The following HS3ST3B1 variants were observed in gnomAD, a reference collection of about 807,000 sequenced individuals.
HS3ST3B1 encodes the protein heparan sulfate glucosamine 3-O-sulfotransferase 3B1.
A neutral mutation model predicts 21.3 loss-of-function variants in HS3ST3B1; 13 were observed. That is an observed-to-expected ratio of 0.61 (90% CI 0.40 to 0.97). HS3ST3B1 has a LOEUF of 0.97. HS3ST3B1 is among the 50% of genes least tolerant of loss of function. The probability of loss-of-function intolerance (pLI) is 0.00; values close to 1 mark genes in which losing one functional copy is unlikely to be tolerated. For synonymous variants in HS3ST3B1, 234 were observed against 254.8 expected (o/e 0.92, Z 0.78); for missense variants, 459 against 554.8 (o/e 0.83, Z 1.73).
intron 1 of HS3ST3B1, among the ~76,000 whole-genome samples, chr17:14,337,810 A>T (rs889748178): frequency 6.6e-6 from 1 of 151,684 alleles, no homozygotes; most frequent in African/African-American, 2.4e-5. Context: ...AGTTCTGCTG[A>T]CAATGTTGTC....
chr17:14,308,835 A>C (rs1040925457), intron 1 of HS3ST3B1, among the ~76,000 whole-genome samples: 10 of 152,210 alleles, frequency 6.6e-5, no homozygotes, highest in African/African-American at 2.4e-4. Flanking sequence ...TAGGATTCAG[A>C]ATCCCTGTTT....
At position 14,301,684 on chromosome 17, in the gene HS3ST3B1, G is replaced by A. The variant is rs760686663; in HGVS notation, c.166G>A (p.Ala56Thr). 6.9e-6 allele frequency: 11 copies of A among 1,600,894 alleles called. No individual in the cohort carries two copies. In the African/African-American group the frequency reaches 8.2e-5, roughly 12 times the overall value. ...MFLYSCAGSCAAAPGLLLLGS... is the reference protein window; with the variant it reads ...MFLYSCAGSCTAAPGLLLLGS... Reference sequence around the variant, plus strand: ...CCTGTACTCGTGCGCCGGCTCCTGCGCCGCCGCGCCGGGGCTGCTGCTCCT... The same window carrying A: ...CCTGTACTCGTGCGCCGGCTCCTGCACCGCCGCGCCGGGGCTGCTGCTCCT... The change falls in exon 1 of 2, where the codon GCC becomes ACC. Residue 56 changes from alanine to threonine, a missense_variant. This residue lies in a region of HS3ST3B1 where 317 missense variants were observed against 278.6 expected (regional missense o/e 1.14). Coordinates refer to ENST00000360954, the MANE Select transcript of HS3ST3B1 (RefSeq NM_006041.3).
At chr17:14,338,619 T>G (rs1910270568) in intron 1 of HS3ST3B1, among the ~76,000 whole-genome samples, 1 of 151,476 alleles carries the variant, frequency 6.6e-6, no homozygotes, top group African/African-American at 2.4e-5. Flanking sequence ...ATTTTTGTAT[T>G]TTTAGTAGAG....
At chr17:14,309,911 G>A (rs1455689158) in intron 1 of HS3ST3B1, among the ~76,000 whole-genome samples, 1 of 152,154 alleles carries the variant, frequency 6.6e-6, no homozygotes, top group Non-Finnish European at 1.5e-5. Flanking sequence ...TGGGAAGCGG[G>A]AGGGGTTGCT....
chr17:14,302,094 A>G (rs891875209), intron 1 of HS3ST3B1, 22 bp downstream of exon 1: 2 of 1,577,802 alleles, frequency 1.3e-6, no homozygotes, highest in Non-Finnish European at 1.7e-6. Context: ...TGCCAGGGGC[A>G]GGGTCTCCAT....
In HS3ST3B1 at chr17:14,347,425, G is replaced by A. The variant is rs963498623; in HGVS notation, c.*1779G>A. 2.0e-5 allele frequency: 3 copies of A among 152,182 alleles called. No homozygotes were observed. Among genetic ancestry groups the A allele is most frequent in the Non-Finnish European group, 4.4e-5 (3 of 68,036 alleles). 9.4% of individuals were successfully genotyped at this position (152,182 alleles called of 1,614,324 possible). A position where few individuals can be genotyped will look rare whatever the true frequency, so the allele number is the denominator to read the frequency against. ...AATTTAACCTCAGTTTTTTAAACCA[G>A]AATGCTTCTACCATAAAAGAATTGT... On this transcript the variant is annotated 3_prime_UTR_variant, in exon 2 of 2. Transcript: ENST00000360954.
At chr17:14,310,886 A>G (rs1157936931) in intron 1 of HS3ST3B1, among the ~76,000 whole-genome samples, 1 of 152,170 alleles carries the variant, frequency 6.6e-6, no homozygotes, top group Non-Finnish European at 1.5e-5. Context: ...CCCACCGAAG[A>G]TCCCCAAGTG....
intron 1 of HS3ST3B1, among the ~76,000 whole-genome samples, chr17:14,331,992 G>A (rs1368175155): frequency 6.6e-6 from 1 of 152,124 alleles, no homozygotes; most frequent in Admixed American, 6.5e-5. Context: ...GAAACTTCCC[G>A]GAGTTACAAC....
chr17:14,343,829 C>A (rs1340325925), intron 1 of HS3ST3B1, among the ~76,000 whole-genome samples: 1 of 151,708 alleles, frequency 6.6e-6, no homozygotes, highest in Non-Finnish European at 1.5e-5. Flanking sequence ...TTTGACATAC[C>A]AATTTCAATT....
At chr17:14,312,017 G>C (rs1299114553) in intron 1 of HS3ST3B1, among the ~76,000 whole-genome samples, 2 of 152,102 alleles carry the variant, frequency 1.3e-5, no homozygotes, top group Non-Finnish European at 2.9e-5. Context: ...TTTAAAATGT[G>C]ATTTTTGCAT....
intron 1 of HS3ST3B1, among the ~76,000 whole-genome samples, chr17:14,343,002 G>T (rs1910434068): frequency 6.6e-6 from 1 of 152,186 alleles, no homozygotes; most frequent in African/African-American, 2.4e-5. Context: ...CCAGCACTTT[G>T]GGAGGCCAAG....
chr17:14,304,543 C>G (rs1471777690), intron 1 of HS3ST3B1: 1 of 152,168 alleles, frequency 6.6e-6, no homozygotes, highest in Non-Finnish European at 1.5e-5. Context: ...TTTAAACAGA[C>G]CACGCCAGGA....
chr17:14,303,216 ACATT>A lies in HS3ST3B1; in HGVS notation c.554+1147_554+1150del, dbSNP rs781118205. On this transcript the variant is annotated intron_variant, in intron 1 of 1. Transcript: ENST00000360954. This position sits in a 1 kb window ranked among gnomAD's most constrained non-coding sequence, Gnocchi z 5.7. ...TCCACCCGTAACCCCAGCCAGCACG[ACATT>A]CAGACACCCCTCCAGGCCCAATTAG... 3.0e-4 allele frequency among the ~76,000 whole-genome samples: 45 copies of A among 152,236 alleles called. No homozygotes were observed. The highest frequency in any genetic ancestry group is 4.9e-4 in the Non-Finnish European group (33 of 68,010).
At position 14,301,999 on chromosome 17, in the gene HS3ST3B1, C is replaced by T; in HGVS notation, c.481C>T (p.Pro161Ser). 1.2e-6 allele frequency: 2 copies of T among 1,609,600 alleles called. No homozygotes were observed. Among genetic ancestry groups the T allele is most frequent in the Non-Finnish European group, 1.7e-6 (2 of 1,179,116 alleles). The change falls in exon 1 of 2, where the codon CCC (proline) becomes TCC (serine). Residue 161 changes from proline to serine, a missense_variant. By Grantham distance (74) the Pro-to-Ser change is moderately conservative. Coordinates refer to ENST00000360954, the MANE Select transcript of HS3ST3B1 (RefSeq NM_006041.3). ...RALLEFLRVH[P>S]DVRAVGAEPH... Reference sequence around the variant, plus strand: ...GCTGCTGGAGTTTCTGCGCGTGCACCCCGACGTGCGCGCCGTGGGCGCCGA... The same window carrying T: ...GCTGCTGGAGTTTCTGCGCGTGCACTCCGACGTGCGCGCCGTGGGCGCCGA...
intron 1 of HS3ST3B1, among the ~76,000 whole-genome samples, chr17:14,317,489 G>T (rs1486650796): frequency 6.6e-6 from 1 of 152,208 alleles, no homozygotes; most frequent in East Asian, 1.9e-4. Context: ...AGTAAGAAAT[G>T]CTGTAGGAGC....
At chr17:14,320,913 T>G (rs977468683) in intron 1 of HS3ST3B1, among the ~76,000 whole-genome samples, 1 of 152,198 alleles carries the variant, frequency 6.6e-6, no homozygotes, top group African/African-American at 2.4e-5. Flanking sequence ...CACACACCTG[T>G]TCCGAGTGTG....
chr17:14,302,201 C>T (rs1908959185), intron 1 of HS3ST3B1, 129 bp downstream of exon 1: 2 of 1,111,138 alleles, frequency 1.8e-6, no homozygotes, highest in Non-Finnish European at 2.5e-6. Flanking sequence ...AGGGAAACTA[C>T]GGCAGATTGC....
chr17:14,306,555 C>A (rs1597585763), intron 1 of HS3ST3B1, among the ~76,000 whole-genome samples: 1 of 152,132 alleles, frequency 6.6e-6, no homozygotes, highest in African/African-American at 2.4e-5. Flanking sequence ...CATAGAAAAC[C>A]CTGTAACTTC....
chr17:14,313,762 G>C lies in HS3ST3B1; in HGVS notation c.554+11690G>C, dbSNP rs976596659. On this transcript the variant is annotated intron_variant, in intron 1 of 1. Transcript: ENST00000360954. ...ATTTTGTATTTTTAGTAGAGGCGGG[G>C]TTCCACCATGTTGCTCAGGCTGGTC... Among the ~76,000 whole-genome samples the C allele has an allele frequency of 5.9e-5, 9 of 151,956 alleles. 1 individual carries two copies. The South Asian group carries it at 1.0e-3, about 18-fold the overall frequency.
Sources: allele counts gnomAD v4.1 joint callset (sites outside exome capture counted in the v4.1 genomes callset), GRCh38; gene constraint gnomAD v4.1.1; regional missense constraint gnomAD v4.1.1; non-coding constraint Gnocchi (gnomAD v3.1); transcripts MANE v1.5; gene names NCBI Gene and HGNC (gene_info 2026-07-23, HGNC 2026-07-21).